MIPOL1: variants seen among roughly 807,000 people sequenced by gnomAD.
MIPOL1 encodes the protein mirror-image polydactyly gene 1 protein.
In MIPOL1, 57 loss-of-function variants were observed where a neutral mutation model predicts 60.9. The observed-to-expected ratio is 0.94, with a 90% confidence interval of 0.76 to 1.17. The LOEUF (loss-of-function observed/expected upper bound fraction) is 1.17, where lower values mean the gene tolerates loss of function less well. Among genes scored for constraint, MIPOL1 ranks in the 50% most tolerant of loss-of-function variants. The pLI is 0.00. For synonymous variants in MIPOL1, 179 were observed against 168.8 expected (o/e 1.06, Z -0.47); for missense variants, 551 against 511.6 (o/e 1.08, Z -0.74).
At position 37,248,971 on chromosome 14, in the gene MIPOL1, TGGAA is replaced by T. The variant is rs1366186226; in HGVS notation, c.19+1068_19+1071del. On this transcript the variant is annotated intron_variant, in intron 3 of 12. Coordinates refer to ENST00000684589, the MANE Select transcript of MIPOL1 (RefSeq NM_001388067.1). ...ACTGAGATATGGCCTGAAAAACAAA[TGGAA>T]GGATGGATGGATGGATGGATGGATG... 1.0e-4 allele frequency among the ~76,000 whole-genome samples: 14 copies of T among 139,712 alleles called. No homozygotes were observed. In the Middle Eastern group the frequency reaches 0.014, roughly 138 times the overall value. The allele number at this position is 139,712 out of a possible 152,430, so 91.7% of individuals were successfully genotyped here.
chr14:37,446,840 C>T (rs1185747373), intron 11 of MIPOL1, among the ~76,000 whole-genome samples: 6 of 151,578 alleles, frequency 4.0e-5, no homozygotes, highest in South Asian at 2.1e-4. Flanking sequence ...AACCAAACAC[C>T]GCATGTTCTC....
intron 12 of MIPOL1, among the ~76,000 whole-genome samples, chr14:37,521,831 C>T (rs997440240): frequency 6.0e-5 from 9 of 149,206 alleles, no homozygotes; most frequent in African/African-American, 1.7e-4. Flanking sequence ...TGCAGTGAGC[C>T]GAGATCATGC....
intron 11 of MIPOL1, among the ~76,000 whole-genome samples, chr14:37,464,020 C>A (rs2094569910): frequency 1.3e-5 from 2 of 152,170 alleles, no homozygotes; most frequent in African/African-American, 4.8e-5. Context: ...ACTCAAATCA[C>A]TAAACAGAAG....
chr14:37,379,918 A>G (rs1479347341), intron 10 of MIPOL1, among the ~76,000 whole-genome samples: 2 of 152,202 alleles, frequency 1.3e-5, no homozygotes, highest in East Asian at 3.9e-4. Flanking sequence ...TCCTTCAACC[A>G]TTCTCTTTCT....
At chr14:37,490,062 C>T (rs542950545) in intron 11 of MIPOL1, among the ~76,000 whole-genome samples, 27 of 152,312 alleles carry the variant, frequency 1.8e-4, no homozygotes, top group African/African-American at 5.5e-4. Flanking sequence ...GCCACCCCTT[C>T]CCCAGGTGCT....
intron 11 of MIPOL1, among the ~76,000 whole-genome samples, chr14:37,466,896 G>A (rs551763351): frequency 3.3e-5 from 5 of 152,106 alleles, no homozygotes; most frequent in African/African-American, 9.7e-5. Flanking sequence ...ATTGATTTCC[G>A]CTTTCTCCCC....
chr14:37,539,226 C>T (rs967358679), intron 12 of MIPOL1, among the ~76,000 whole-genome samples: 2 of 152,032 alleles, frequency 1.3e-5, no homozygotes, highest in Non-Finnish European at 2.9e-5. Context: ...AAAAAAAGAA[C>T]TGCCCAGCTG....
intron 11 of MIPOL1, among the ~76,000 whole-genome samples, chr14:37,433,436 G>T: frequency 6.6e-6 from 1 of 151,896 alleles, no homozygotes. Context: ...TGTTCTCATT[G>T]TTCAACTTCC....
intron 11 of MIPOL1, among the ~76,000 whole-genome samples, chr14:37,490,893 T>C (rs2095038485): frequency 6.6e-6 from 1 of 152,178 alleles, no homozygotes; most frequent in African/African-American, 2.4e-5. Context: ...CTGTTCCTAT[T>C]TGGCCATCTT....
At chr14:37,361,893 T>G (rs573016328) in intron 9 of MIPOL1, among the ~76,000 whole-genome samples, 2 of 152,226 alleles carry the variant, frequency 1.3e-5, no homozygotes, top group African/African-American at 4.8e-5. Context: ...CTTTTGACTT[T>G]TGTTGGTTTA....
intron 12 of MIPOL1, among the ~76,000 whole-genome samples, chr14:37,508,404 GTTC>G (rs1157902781): frequency 5.9e-5 from 9 of 151,990 alleles, no homozygotes; most frequent in African/African-American, 1.7e-4. Flanking sequence ...TACTGAAATT[GTTC>G]TTCTTAAGAT....
chr14:37,418,792 A>G (rs768583047), intron 10 of MIPOL1, among the ~76,000 whole-genome samples: 8 of 152,078 alleles, frequency 5.3e-5, no homozygotes, highest in Admixed American at 2.0e-4. Flanking sequence ...AGAATGCCTA[A>G]CTGATAGTAG....
intron 1 of MIPOL1, among the ~76,000 whole-genome samples, chr14:37,215,805 C>T (rs73252034): frequency 0.024 from 3,719 of 152,218 alleles, 161 homozygotes; most frequent in African/African-American, 0.083. Flanking sequence ...TGATGGCTCA[C>T]GCCTGTAATC....
chr14:37,302,056 C>T (rs1462384575), intron 7 of MIPOL1, among the ~76,000 whole-genome samples: 4 of 133,726 alleles, frequency 3.0e-5, no homozygotes, highest in African/African-American at 1.1e-4. Flanking sequence ...TAAAGTTGTT[C>T]TAAGTATTCA....
intron 7 of MIPOL1, among the ~76,000 whole-genome samples, chr14:37,292,759 G>A (rs562575486): frequency 6.6e-6 from 1 of 152,226 alleles, no homozygotes; most frequent in South Asian, 2.1e-4. Context: ...GGGATTACAG[G>A]TGTTAGCCAC....
At chr14:37,415,581 A>G (rs1219015392) in intron 10 of MIPOL1, among the ~76,000 whole-genome samples, 1 of 144,064 alleles carries the variant, frequency 6.9e-6, no homozygotes, top group Non-Finnish European at 1.5e-5. Flanking sequence ...GTGAGCCGAG[A>G]TTGCGTCACT....
chr14:37,298,607 A>C (rs1370726163), intron 7 of MIPOL1, among the ~76,000 whole-genome samples: 1 of 152,240 alleles, frequency 6.6e-6, no homozygotes, highest in Non-Finnish European at 1.5e-5. Flanking sequence ...ATTTACAAGA[A>C]AAAAACAACC....
At chr14:37,523,543 A>T (rs2095427777) in intron 12 of MIPOL1, 4 of 431,346 alleles carry the variant, frequency 9.3e-6, no homozygotes, top group Non-Finnish European at 1.6e-5. Context: ...GGATAAAAGA[A>T]GAAAGATTGT....
intron 10 of MIPOL1, among the ~76,000 whole-genome samples, chr14:37,415,845 A>C (rs530137031): frequency 1.2e-4 from 18 of 152,242 alleles, no homozygotes; most frequent in Admixed American, 6.5e-4. Context: ...TCTTGTGAGA[A>C]ATGATAATAT....
Sources: allele counts gnomAD v4.1 joint callset (sites outside exome capture counted in the v4.1 genomes callset), GRCh38; gene constraint gnomAD v4.1.1; transcripts MANE v1.5; gene names NCBI Gene and HGNC (gene_info 2026-07-23, HGNC 2026-07-21).